Variants in GRHL1 observed in about 807,000 individuals in gnomAD.
GRHL1 encodes grainyhead like transcription factor 1, also known as grainyhead-like protein 1 homolog.
GRHL1 carries 38 observed loss-of-function variants against 75.7 expected under a neutral mutation model. The ratio of observed to expected loss-of-function variants is 0.50; its 90% CI spans 0.39 to 0.66. The LOEUF is 0.66. GRHL1 is among the 30% of genes least tolerant of loss of function. The probability of loss-of-function intolerance (pLI) is 0.00; values close to 1 mark genes in which losing one functional copy is unlikely to be tolerated. For missense variants in GRHL1, 589 were observed against 767.5 expected, an observed-to-expected ratio of 0.77 and a Z score of 2.75; for synonymous variants, 266 against 279.4, an observed-to-expected ratio of 0.95 and a Z score of 0.48.
rs750513042 is a variant in GRHL1 at position 9,964,358 on chromosome 2, A to G, written c.1015+12A>G. On this transcript the variant is annotated intron_variant, in intron 7 of 15. Coordinates refer to ENST00000324907, the MANE Select transcript of GRHL1 (RefSeq NM_198182.3). ...ATGCATTGACATAGGTAAGCAGCTC[A>G]AGAGCCCGCTTTTATTCCCAGAGGT... The G allele has an allele frequency of 2.5e-5, 35 of 1,398,524 alleles. No homozygotes were observed. Among genetic ancestry groups the G allele is most frequent in the Non-Finnish European group, 3.1e-5 (31 of 993,534 alleles). 86.6% of individuals were successfully genotyped at this position (1,398,524 alleles called of 1,614,324 possible). A position where few individuals can be genotyped will look rare whatever the true frequency, so the allele number is the denominator to read the frequency against.
rs1668676027 is a variant in GRHL1, at chr2:9,992,231, A to C, written c.1461+85A>C. ...CTTTGGCATTATTCATGGGAAACAGAAGCCAAAATTGAGTGAGGTTTGACC... is the reference window on the plus strand; with the variant it reads ...CTTTGGCATTATTCATGGGAAACAGCAGCCAAAATTGAGTGAGGTTTGACC... On this transcript the variant is annotated intron_variant, in intron 11 of 15. Transcript: ENST00000324907. The surrounding 1 kb of genome is among the most constrained non-coding windows in gnomAD (Gnocchi z 4.6). 1.5e-6 allele frequency: 2 copies of C among 1,338,396 alleles called. No homozygotes were observed. The highest frequency in any genetic ancestry group is 3.9e-5 in the Admixed American group (2 of 50,994). 82.9% of individuals were successfully genotyped at this position (1,338,396 alleles called of 1,614,324 possible).
chr2:9,972,697 T>C (rs1667778540), intron 8 of GRHL1, among the ~76,000 whole-genome samples: 1 of 152,226 alleles, frequency 6.6e-6, no homozygotes, highest in Non-Finnish European at 1.5e-5. Context: ...GAATGTGGCC[T>C]GTGTGCCTTG....
At position 9,962,144 on chromosome 2, in the gene GRHL1, G is replaced by A. The variant is rs1417427530; in HGVS notation, c.670-311G>A. On this transcript the variant is annotated intron_variant, in intron 4 of 15. Transcript: ENST00000324907. ...GACTTTTAAAAGTCATGAAATTTTGGTTGCAGGTCCTAGTGTTTGAACAGA... is the reference window on the plus strand; with the variant it reads ...GACTTTTAAAAGTCATGAAATTTTGATTGCAGGTCCTAGTGTTTGAACAGA... Among the ~76,000 whole-genome samples, 3 of 152,082 alleles carry A rather than the reference G, an allele frequency of 2.0e-5. No homozygotes were observed. In the East Asian group the frequency reaches 5.8e-4, roughly 29 times the overall value.
At chr2:9,957,002 CT>C (rs764835142) in intron 2 of GRHL1, among the ~76,000 whole-genome samples, 235 of 113,782 alleles carry the variant, frequency 2.1e-3, no homozygotes, top group African/African-American at 3.3e-3. Context: ...TCTTCTTCTT[CT>C]TTTTTTTTTT....
chr2:9,998,234 C>T (rs1668958727), intron 14 of GRHL1, among the ~76,000 whole-genome samples: 1 of 151,840 alleles, frequency 6.6e-6, no homozygotes, highest in African/African-American at 2.4e-5. Flanking sequence ...GAGCAATTCA[C>T]CCATTCTCTT....
intron 3 of GRHL1, chr2:9,960,164 C>G (rs1043193129): frequency 2.0e-5 from 3 of 152,172 alleles, no homozygotes; most frequent in African/African-American, 4.8e-5. Flanking sequence ...CCAGGCCCGG[C>G]ACAGTGGCTC....
At chr2:9,975,174 C>T (rs1202752551) in intron 8 of GRHL1, among the ~76,000 whole-genome samples, 1 of 152,170 alleles carries the variant, frequency 6.6e-6, no homozygotes, top group Non-Finnish European at 1.5e-5. Context: ...TCTTCTGCAG[C>T]CCTAAGTCAC....
chr2:9,980,816 G>GT (rs1668166630), intron 8 of GRHL1, among the ~76,000 whole-genome samples: 1 of 152,230 alleles, frequency 6.6e-6, no homozygotes, highest in Non-Finnish European at 1.5e-5. Context: ...TTAAGTGTGC[G>GT]TGCATTCCTG....
At chr2:9,983,276 G>A (rs1668275064) in intron 8 of GRHL1, among the ~76,000 whole-genome samples, 1 of 151,700 alleles carries the variant, frequency 6.6e-6, no homozygotes, top group Admixed American at 6.6e-5. Context: ...CCTTCTCCTG[G>A]GATGTTTGTG....
intron 4 of GRHL1, among the ~76,000 whole-genome samples, chr2:9,961,672 T>C (rs1667281607): frequency 6.6e-6 from 1 of 152,198 alleles, no homozygotes; most frequent in African/African-American, 2.4e-5. Context: ...TTAACAATTA[T>C]GATTTCAGCT....
intron 8 of GRHL1, among the ~76,000 whole-genome samples, chr2:9,970,065 G>A (rs926285890): frequency 6.6e-6 from 1 of 151,944 alleles, no homozygotes; most frequent in East Asian, 1.9e-4. Context: ...GGATGGTCTC[G>A]ATCTCCTGAC....
intron 5 of GRHL1, among the ~76,000 whole-genome samples, chr2:9,963,142 A>T (rs557962748): frequency 6.6e-6 from 1 of 152,216 alleles, no homozygotes; most frequent in African/African-American, 2.4e-5. Flanking sequence ...CTGCCTCAAG[A>T]TGCAGGAGTC....
rs1003080461 is a variant in GRHL1 at position 9,982,837 on chromosome 2, C to T, written c.1111-3287C>T. Among the ~76,000 whole-genome samples the T allele has an allele frequency of 2.6e-5, 4 of 152,186 alleles. 1 individual carries two copies. The highest frequency in any genetic ancestry group is 9.7e-5 in the African/African-American group (4 of 41,422). On this transcript the variant is annotated intron_variant, in intron 8 of 15. Transcript: ENST00000324907. ...AAAGTTGATAGGTAAATGTATTACA[C>T]AAAATTATTGTCACCAGTAAAAACA...
chr2:9,996,289 C>T, intron 13 of GRHL1, 27 bp from the exon 14 acceptor site: 1 of 1,531,100 alleles, frequency 6.5e-7, no homozygotes, highest in African/African-American at 1.4e-5. Context: ...CTTTTCCCTT[C>T]CTTATTCCTG....
chr2:9,954,830 T>C, intron 1 of GRHL1, 85 bp from the exon 2 acceptor site: 1 of 1,121,108 alleles, frequency 8.9e-7, no homozygotes, highest in Non-Finnish European at 1.3e-6. Flanking sequence ...TAGGCTATTT[T>C]ATAGGAATGT....
intron 15 of GRHL1, among the ~76,000 whole-genome samples, chr2:9,999,393 G>T (rs1669168879): frequency 6.6e-6 from 1 of 152,264 alleles, no homozygotes; most frequent in Non-Finnish European, 1.5e-5. Context: ...TCCAGGGTGT[G>T]TGGCCAGCGC....
intron 14 of GRHL1, 94 bp from the exon 15 acceptor site, chr2:9,998,863 CGTATATAT>C: frequency 8.3e-6 from 1 of 120,740 alleles, no homozygotes; most frequent in Non-Finnish European, 1.3e-5. Flanking sequence ...CATATATATA[CGTATATAT>C]ATGTACACAT....
intron 8 of GRHL1, 80 bp downstream of exon 8, chr2:9,965,461 T>G: frequency 1.3e-6 from 1 of 783,386 alleles, no homozygotes; most frequent in South Asian, 1.5e-5. Context: ...ACTGATTTTT[T>G]TTTTTTTCAC....
Position 10,001,927 on chromosome 2 carries a change from C to T in GRHL1, c.*1220C>T, listed in dbSNP as rs1669283691. ...TATGTTAACAATTCTAGAAAACATT[C>T]ATGAATTCACAAAAATATGTTACTA... On this transcript the variant is annotated 3_prime_UTR_variant, in exon 16 of 16. Coordinates refer to ENST00000324907, the MANE Select transcript of GRHL1 (RefSeq NM_198182.3). The T allele has an allele frequency of 1.3e-5, 2 of 152,526 alleles. No homozygotes were observed. The highest frequency in any genetic ancestry group is 6.5e-5 in the Admixed American group (1 of 15,278). 9.4% of individuals were successfully genotyped at this position (152,526 alleles called of 1,614,324 possible).
Sources: gnomAD v4.1 joint callset for allele counts (sites outside exome capture counted in the v4.1 genomes callset) on GRCh38, gnomAD v4.1.1 for gene constraint, Gnocchi (gnomAD v3.1) non-coding constraint, MANE v1.5 for transcripts, NCBI Gene and HGNC (gene_info 2026-07-23, HGNC 2026-07-21) for gene names.